DROSHA: variants seen among roughly 807,000 people sequenced by gnomAD.
DROSHA encodes ribonuclease 3.
In DROSHA, 56 loss-of-function variants were observed where a neutral mutation model predicts 181.9. The observed-to-expected ratio is 0.31, with a 90% CI of 0.25 to 0.38. The LOEUF (loss-of-function observed/expected upper bound fraction) is 0.38, where lower values mean the gene tolerates loss of function less well. Among genes scored for constraint, DROSHA ranks in the 10% least tolerant of loss-of-function variants. The probability of loss-of-function intolerance (pLI) is 1.00; values close to 1 mark genes in which losing one functional copy is unlikely to be tolerated. For synonymous variants in DROSHA, 524 were observed against 591.2 expected (o/e 0.89, Z 1.65); for missense variants, 1,218 against 1,743.5 (o/e 0.70, Z 5.37).
intron 16 of DROSHA, among the ~76,000 whole-genome samples, chr5:31,473,533 C>A (rs1749992232): frequency 6.6e-6 from 1 of 151,506 alleles, no homozygotes; most frequent in African/African-American, 2.4e-5. Flanking sequence ...GAGAACACAG[C>A]AATGATGGAA....
chr5:31,472,380 G>A, intron 16 of DROSHA, 148 bp from the exon 17 acceptor site: 1 of 918,018 alleles, frequency 1.1e-6, no homozygotes, highest in Non-Finnish European at 1.5e-6. Flanking sequence ...TGTTTAACCA[G>A]GTGCCAAATA....
At position 31,429,526 on chromosome 5, in the gene DROSHA, T is replaced by C. The variant is rs772025153; in HGVS notation, c.3165A>G (p.Gly1055=). ...EALIGAVYLE[G]SLEEAKQLFG... ...ATAACTGCTTGGCTTCCTCCAGGCT[T>C]CCCTCCAAGTAAACAGCTCCTAGAT... The change falls in exon 27 of 36, where the codon GGA becomes GGG. Residue 1055 remains glycine (G), a synonymous_variant. Coordinates refer to ENST00000344624, the MANE Select transcript of DROSHA (RefSeq NM_001382508.1). 1 of 1,611,928 alleles carries C rather than the reference T, an allele frequency of 6.2e-7. No individual in the cohort carries two copies. Among genetic ancestry groups the C allele is most frequent in the South Asian group, 1.1e-5 (1 of 90,702 alleles).
At chr5:31,489,529 G>A (rs1752146815) in intron 13 of DROSHA, among the ~76,000 whole-genome samples, 1 of 152,058 alleles carries the variant, frequency 6.6e-6, no homozygotes, top group African/African-American at 2.4e-5. Flanking sequence ...GCTACACAAT[G>A]GTCAACCAAG....
In DROSHA at chr5:31,468,850, C is replaced by T. The variant is rs1580200360; in HGVS notation, c.2242-787G>A. ...GGCTCAGTTGCTTTGGAGGCTAAGG[C>T]TGTTAAAACTGATTCACACAGAGGC... On this transcript the variant is annotated intron_variant, in intron 17 of 35. Coordinates refer to ENST00000344624, the MANE Select transcript of DROSHA (RefSeq NM_001382508.1). Among the ~76,000 whole-genome samples, 3 of 152,282 alleles carry T rather than the reference C, an allele frequency of 2.0e-5. No individual in the cohort carries two copies. The South Asian group carries it at 6.2e-4, about 32-fold the overall frequency.
chr5:31,449,241 C>A, intron 22 of DROSHA, 40 bp downstream of exon 22: 6 of 1,608,992 alleles, frequency 3.7e-6, no homozygotes, highest in Non-Finnish European at 5.1e-6. Flanking sequence ...AAACACAGGC[C>A]AAAATAGGAG....
intron 23 of DROSHA, among the ~76,000 whole-genome samples, chr5:31,438,104 G>C (rs940671591): frequency 6.6e-5 from 10 of 152,140 alleles, no homozygotes; most frequent in Admixed American, 2.6e-4. Context: ...ATTTTCTCAT[G>C]TTCACATACA....
At chr5:31,426,867 G>C (rs1353757031) in intron 27 of DROSHA, among the ~76,000 whole-genome samples, 1 of 152,102 alleles carries the variant, frequency 6.6e-6, no homozygotes, top group Non-Finnish European at 1.5e-5. Context: ...ATGGCAGCCG[G>C]TTAGAGTTCA....
Position 31,509,943 on chromosome 5 carries a change from A to C in DROSHA, c.1432+1092T>G, listed in dbSNP as rs145470349. Among the ~76,000 whole-genome samples, 440 of 152,032 alleles carry C rather than the reference A, an allele frequency of 2.9e-3. 2 individuals are homozygous for C. Among genetic ancestry groups the C allele is most frequent in the African/African-American group, 0.01 (418 of 41,482 alleles). ...AGTTTCAGTTTTATAAAAGGAAAAC[A>C]GTTCTGGAGACTGGTTGCAAACAAG... is the stretch of plus-strand genomic sequence containing the variant. On this transcript the variant is annotated intron_variant, in intron 9 of 35. Coordinates refer to ENST00000344624, the MANE Select transcript of DROSHA (RefSeq NM_001382508.1).
chr5:31,417,620 A>G (rs1742107724), intron 30 of DROSHA, among the ~76,000 whole-genome samples: 1 of 152,176 alleles, frequency 6.6e-6, no homozygotes, highest in Non-Finnish European at 1.5e-5. Flanking sequence ...ACAAATTAGG[A>G]AGTAGTGTAA....
chr5:31,407,386 T>G lies in DROSHA; in HGVS notation c.3855-441A>C, dbSNP rs192654436. Among the ~76,000 whole-genome samples, 14 of 152,340 alleles carry G rather than the reference T, an allele frequency of 9.2e-5. No homozygotes were observed. The East Asian group carries it at 2.5e-3, about 27-fold the overall frequency. ...CACATCTGAATGCTTTCACATCCTT[T>G]ATGGATTCTTTCTAATGTCTGTATC... On this transcript the variant is annotated intron_variant, in intron 33 of 35. Coordinates refer to ENST00000344624, the MANE Select transcript of DROSHA (RefSeq NM_001382508.1).
chr5:31,467,143 C>T (rs1353094402), intron 18 of DROSHA: 1 of 149,578 alleles, frequency 6.7e-6, no homozygotes, highest in African/African-American at 2.5e-5. Context: ...AGTACTTACA[C>T]AGTGCCTGGT....
intron 4 of DROSHA, among the ~76,000 whole-genome samples, chr5:31,528,321 TG>T (rs1740835772): frequency 6.6e-6 from 1 of 152,184 alleles, no homozygotes; most frequent in Non-Finnish European, 1.5e-5. Context: ...AGTGTCTCAC[TG>T]ACCTGGACCA....
Position 31,526,827 on chromosome 5 carries a change from G to T in DROSHA, c.106C>A (p.Pro36Thr). 6.2e-7 allele frequency: 1 copy of T among 1,613,282 alleles called. No homozygotes were observed. The highest frequency in any genetic ancestry group is 8.5e-7 in the Non-Finnish European group (1 of 1,179,792). ...GARPSAPSFR[P>T]QNLRLLHPQQ... ...GGGTGAAGCAGCCTCAGATTTTGGG[G>T]CCTAAAGGATGGTGCTGAGGGTCTG... The change falls in exon 5 of 36, where the codon CCC becomes ACC. Residue 36 changes from proline (P) to threonine (T), a missense_variant. Physicochemically the swap from Pro to Thr is conservative, Grantham distance 38 (BLOSUM62 -1). Around this residue, in one of 8 missense-constraint regions of DROSHA, gnomAD observed 536 missense variants for 535.4 expected, o/e 1.00. Transcript: ENST00000344624.
At chr5:31,415,952 G>A (rs1741889825) in intron 30 of DROSHA, among the ~76,000 whole-genome samples, 1 of 152,094 alleles carries the variant, frequency 6.6e-6, no homozygotes, top group Non-Finnish European at 1.5e-5. Flanking sequence ...ATGCAAACTC[G>A]GTTATCCTAG....
At chr5:31,414,726 G>C (rs1195688716) in intron 30 of DROSHA, among the ~76,000 whole-genome samples, 1 of 152,168 alleles carries the variant, frequency 6.6e-6, no homozygotes, top group Non-Finnish European at 1.5e-5. Context: ...TTGCTCTTCA[G>C]TTATGGGAAA....
At chr5:31,459,473 C>T (rs1748123621) in intron 20 of DROSHA, among the ~76,000 whole-genome samples, 2 of 151,332 alleles carry the variant, frequency 1.3e-5, no homozygotes, top group South Asian at 4.2e-4. Context: ...ACAAATCTTT[C>T]CTTTCTTCAC....
chr5:31,405,767 CTTTTTT>C (rs67380927), intron 34 of DROSHA, 44 bp from the exon 35 acceptor site: 106,006 of 465,292 alleles, frequency 0.23, 2,256 homozygotes, highest in East Asian at 0.34. Flanking sequence ...TTTCAAGATT[CTTTTTT>C]TTTTTTTTTT....
chr5:31,474,846 C>T (rs1750179359), intron 16 of DROSHA, among the ~76,000 whole-genome samples: 1 of 152,146 alleles, frequency 6.6e-6, no homozygotes, highest in African/African-American at 2.4e-5. Flanking sequence ...GGCTGTGAAA[C>T]AGTAAGAGGA....
chr5:31,483,342 G>C (rs1240787198), intron 16 of DROSHA, among the ~76,000 whole-genome samples: 1 of 152,110 alleles, frequency 6.6e-6, no homozygotes, highest in South Asian at 2.1e-4. Context: ...TTATAAATCT[G>C]TTCTTCCATT....
Sources: allele counts gnomAD v4.1 joint callset (sites outside exome capture counted in the v4.1 genomes callset), GRCh38; gene constraint gnomAD v4.1.1; regional missense constraint gnomAD v4.1.1; transcripts MANE v1.5; gene names NCBI Gene and HGNC (gene_info 2026-07-23, HGNC 2026-07-21).